Variants in FBXO10 observed in about 807,000 individuals in gnomAD.
FBXO10 encodes the protein F-box only protein 10.
In FBXO10, 39 loss-of-function variants were observed where a neutral mutation model predicts 80.7. The observed-to-expected ratio is 0.48, with a 90% CI of 0.37 to 0.63. The LOEUF (loss-of-function observed/expected upper bound fraction) is 0.63, where lower values mean the gene tolerates loss of function less well. FBXO10 is among the 30% of genes least tolerant of loss of function. The probability of loss-of-function intolerance (pLI) is 0.00; values close to 1 mark genes in which losing one functional copy is unlikely to be tolerated. For synonymous variants in FBXO10, 449 were observed against 489.6 expected (o/e 0.92, Z 1.09); for missense variants, 1,025 against 1,269.0 (o/e 0.81, Z 2.92).
intron 1 of FBXO10, among the ~76,000 whole-genome samples, chr9:37,564,836 T>G (rs1164686418): frequency 6.6e-6 from 1 of 152,222 alleles, no homozygotes; most frequent in Non-Finnish European, 1.5e-5. Flanking sequence ...ACTTTGGACC[T>G]GGACTTTTGG....
intron 1 of FBXO10, among the ~76,000 whole-genome samples, chr9:37,555,700 GT>G (rs146533513): frequency 6.2e-5 from 9 of 145,516 alleles, no homozygotes; most frequent in East Asian, 1.9e-4. Context: ...GTTTTTAATT[GT>G]TTTTTTTAAT....
chr9:37,517,601 C>CA (rs2119050612), intron 9 of FBXO10, among the ~76,000 whole-genome samples: 1 of 113,876 alleles, frequency 8.8e-6, no homozygotes, highest in South Asian at 2.9e-4. Context: ...AGAGATAACT[C>CA]AAACAGCCTG....
intron 9 of FBXO10, among the ~76,000 whole-genome samples, chr9:37,517,250 T>C (rs1049750311): frequency 7.9e-5 from 12 of 152,156 alleles, no homozygotes; most frequent in Admixed American, 7.9e-4. Flanking sequence ...AGACTATATA[T>C]TGGGTACAGT....
intron 1 of FBXO10, among the ~76,000 whole-genome samples, chr9:37,575,871 T>C (rs567936063): frequency 1.3e-5 from 2 of 152,214 alleles, no homozygotes; most frequent in African/African-American, 4.8e-5. Context: ...AGTCAGCTTC[T>C]TCTTCTTCGA....
At position 37,554,814 on chromosome 9, in the gene FBXO10, TCA is replaced by T. The variant is rs377117958; in HGVS notation, c.-6-13042_-6-13041del. ...TTTCATTGTATTAAGTGTTAATATA[TCA>T]CAGTTTAAAAAAAATTAATTCTCCT... On this transcript the variant is annotated intron_variant, in intron 1 of 10. Coordinates refer to ENST00000432825, the MANE Select transcript of FBXO10 (RefSeq NM_012166.3). Among the ~76,000 whole-genome samples, 531 of 152,336 alleles carry T rather than the reference TCA, an allele frequency of 3.5e-3. 3 individuals carry two copies. Among genetic ancestry groups the T allele is most frequent in the African/African-American group, 0.012 (503 of 41,572 alleles).
rs559055856 is a variant in FBXO10, at chr9:37,567,864, C to T, written c.-7+8347G>A. Among the ~76,000 whole-genome samples, 6 of 152,274 alleles carry T rather than the reference C, an allele frequency of 3.9e-5. No homozygotes were observed. In the South Asian group the frequency reaches 8.3e-4, roughly 21 times the overall value. ...TCTGCCCAGCACCTTCCCTCTTCTG[C>T]GTCCTCAGGGGAACCCCGCTTCTAC... On this transcript the variant is annotated intron_variant, in intron 1 of 10. Transcript: ENST00000432825.
At chr9:37,546,713 CTTTT>C (rs756793633) in intron 1 of FBXO10, among the ~76,000 whole-genome samples, 2 of 142,156 alleles carry the variant, frequency 1.4e-5, no homozygotes, top group Admixed American at 7.1e-5. Context: ...CTAGAGATGT[CTTTT>C]TTTTTTTTTT....
chr9:37,562,273 G>T (rs1212530107), intron 1 of FBXO10, among the ~76,000 whole-genome samples: 1 of 152,200 alleles, frequency 6.6e-6, no homozygotes, highest in African/African-American at 2.4e-5. Flanking sequence ...GAACGCTTTG[G>T]TATTAACAGT....
intron 1 of FBXO10, among the ~76,000 whole-genome samples, chr9:37,554,980 C>A (rs989239893): frequency 6.6e-6 from 1 of 152,088 alleles, no homozygotes; most frequent in African/African-American, 2.4e-5. Flanking sequence ...AGGTTCTTTT[C>A]CCAGAGAGGC....
Position 37,521,923 on chromosome 9 carries a change from A to T in FBXO10, c.1931-85T>A, listed in dbSNP as rs143773792. 4.0e-3 allele frequency: 5,713 copies of T among 1,430,928 alleles called. 21 individuals are homozygous for T. The highest frequency in any genetic ancestry group is 4.3e-3 in the Non-Finnish European group (4,705 of 1,084,720). The allele number at this position is 1,430,928 out of a possible 1,614,324, so 88.6% of individuals were successfully genotyped here. A position where few individuals can be genotyped will look rare whatever the true frequency, so the allele number is the denominator to read the frequency against. ...CTCCCTGAGAGGGGAAACAAAAGCC[A>T]CTGGCCTGGGAGAGAGTCCCTGCCT... On this transcript the variant is annotated intron_variant, in intron 7 of 10. Coordinates refer to ENST00000432825, the MANE Select transcript of FBXO10 (RefSeq NM_012166.3).
intron 2 of FBXO10, among the ~76,000 whole-genome samples, chr9:37,540,459 G>A (rs962242970): frequency 1.3e-5 from 2 of 152,124 alleles, no homozygotes; most frequent in Non-Finnish European, 2.9e-5. Context: ...TTACAGGTGT[G>A]AGCCACTGCA....
At chr9:37,569,506 A>G (rs964566453) in intron 1 of FBXO10, among the ~76,000 whole-genome samples, 12 of 151,344 alleles carry the variant, frequency 7.9e-5, no homozygotes, top group African/African-American at 2.9e-4. Flanking sequence ...CCCAGTAAGG[A>G]TAAAGAAGAT....
At chr9:37,528,934 A>G (rs774094714) in intron 5 of FBXO10, among the ~76,000 whole-genome samples, 190 bp downstream of exon 5, 2 of 152,260 alleles carry the variant, frequency 1.3e-5, no homozygotes, top group Non-Finnish European at 2.9e-5. Flanking sequence ...ACTGCCGAAT[A>G]GAACGCCTAC....
chr9:37,514,789 G>A (rs1821142791), intron 10 of FBXO10, among the ~76,000 whole-genome samples: 2 of 152,214 alleles, frequency 1.3e-5, no homozygotes, highest in East Asian at 1.9e-4. Context: ...AGCCAAGATC[G>A]CACCACTGCA....
intron 2 of FBXO10, among the ~76,000 whole-genome samples, chr9:37,538,645 T>C (rs965004808): frequency 1.3e-5 from 2 of 149,912 alleles, no homozygotes; most frequent in Admixed American, 6.6e-5. Flanking sequence ...GAGGCAGAGG[T>C]TGCAGTGAGC....
chr9:37,548,023 C>T (rs1267384985), intron 1 of FBXO10, among the ~76,000 whole-genome samples: 1 of 152,122 alleles, frequency 6.6e-6, no homozygotes, highest in Non-Finnish European at 1.5e-5. Flanking sequence ...TACGAGGGAA[C>T]TTTAGGGTGA....
At chr9:37,513,213 G>A (rs1821107179) in intron 10 of FBXO10, among the ~76,000 whole-genome samples, 2 of 151,874 alleles carry the variant, frequency 1.3e-5, no homozygotes, top group South Asian at 2.1e-4. Context: ...TGCCCAAGCC[G>A]GTCTTAAACT....
rs578244546 is a variant in FBXO10, at chr9:37,525,660, G to A, written c.1707-488C>T. 7.3e-5 allele frequency among the ~76,000 whole-genome samples: 11 copies of A among 151,652 alleles called. No homozygotes were observed. The South Asian group carries it at 1.5e-3, about 20-fold the overall frequency. On this transcript the variant is annotated intron_variant, in intron 5 of 10. Coordinates refer to ENST00000432825, the MANE Select transcript of FBXO10 (RefSeq NM_012166.3). ...CACCTCCTGGGTTCAAGCGATGTTC[G>A]TGCCTCAGCCTGGATTACACGTGTG...
At chr9:37,532,634 C>T (rs1003971459) in intron 3 of FBXO10, among the ~76,000 whole-genome samples, 2 of 152,168 alleles carry the variant, frequency 1.3e-5, no homozygotes, top group African/African-American at 4.8e-5. Flanking sequence ...GCATGAACCA[C>T]TACACCTGGC....
Sources: allele counts gnomAD v4.1 joint callset (sites outside exome capture counted in the v4.1 genomes callset), GRCh38; gene constraint gnomAD v4.1.1; transcripts MANE v1.5; gene names NCBI Gene and HGNC (gene_info 2026-07-23, HGNC 2026-07-21).